The following ATP5PF variants were observed in gnomAD, a reference collection of about 807,000 sequenced individuals.
ATP5PF encodes the protein ATP synthase peripheral stalk subunit F6, mitochondrial.
In ATP5PF, 7 loss-of-function variants were observed where a neutral mutation model predicts 12.0. That is an observed-to-expected ratio of 0.58 (90% CI 0.33 to 1.10). The LOEUF (loss-of-function observed/expected upper bound fraction) is 1.10, where lower values mean the gene tolerates loss of function less well. Among genes scored for constraint, ATP5PF ranks in the 50% least tolerant of loss-of-function variants. The pLI is 0.03. For synonymous variants in ATP5PF, 41 were observed against 45.4 expected (o/e 0.90, Z 0.39); for missense variants, 120 against 127.7 (o/e 0.94, Z 0.29).
chr21:25,734,731 G>T, intron 1 of ATP5PF, 122 bp downstream of exon 1: 1 of 1,010,424 alleles, frequency 9.9e-7, no homozygotes, highest in Non-Finnish European at 1.4e-6. Flanking sequence ...GGCCGTGAAG[G>T]TCCCCAGGAC....
In ATP5PF at chr21:25,729,779, G is replaced by A. The variant is rs927006271; in HGVS notation, c.16C>T (p.Leu6Phe). MILQR[L>F]FRFSSVIRSA... ...CGAATGACAGAGGAGAACCTGAAGAGCCTCTGAAGAATCATGCTGATTCTG... is the reference window on the plus strand; with the variant it reads ...CGAATGACAGAGGAGAACCTGAAGAACCTCTGAAGAATCATGCTGATTCTG... The change falls in exon 2 of 4, where the codon CTC becomes TTC. Residue 6 changes from leucine to phenylalanine, a missense_variant. Transcript: ENST00000284971. 6.2e-7 allele frequency: 1 copy of A among 1,613,480 alleles called. No individual in the cohort carries two copies. The highest frequency in any genetic ancestry group is 1.3e-5 in the African/African-American group (1 of 74,872).
intron 2 of ATP5PF, among the ~76,000 whole-genome samples, chr21:25,729,254 T>C (rs752038408): frequency 6.6e-6 from 1 of 152,226 alleles, no homozygotes; most frequent in Non-Finnish European, 1.5e-5. Flanking sequence ...TTTTCCCCAA[T>C]TAGTTTTATG....
At chr21:25,729,370 A>T (rs1237452826) in intron 2 of ATP5PF, among the ~76,000 whole-genome samples, 2 of 152,244 alleles carry the variant, frequency 1.3e-5, no homozygotes, top group Admixed American at 1.3e-4. Context: ...TTTATAATAC[A>T]TGACATGACA....
At chr21:25,728,864 C>G (rs557149663) in intron 2 of ATP5PF, among the ~76,000 whole-genome samples, 1 of 152,346 alleles carries the variant, frequency 6.6e-6, no homozygotes, top group South Asian at 2.1e-4. Context: ...GCTTTCTACT[C>G]CTATCGGACT....
intron 1 of ATP5PF, among the ~76,000 whole-genome samples, chr21:25,731,998 T>C (rs1202155345): frequency 6.6e-6 from 1 of 152,238 alleles, no homozygotes; most frequent in Non-Finnish European, 1.5e-5. Context: ...TCATTTTCAC[T>C]GTATTCAAAA....
chr21:25,734,963 C>T (rs752238405), upstream of ATP5PF: 5 of 1,570,774 alleles, frequency 3.2e-6, no homozygotes, highest in African/African-American at 1.4e-5. Flanking sequence ...CATTATGGGC[C>T]GCCGTTTCAG....
intron 3 of ATP5PF, chr21:25,724,988 G>A: frequency 3.3e-6 from 2 of 602,582 alleles, no homozygotes; most frequent in Admixed American, 3.6e-5. Context: ...TGATTATAAG[G>A]ATTCAAGATT....
upstream of ATP5PF, chr21:25,735,127 G>A (rs1601097806): frequency 1.4e-6 from 1 of 705,172 alleles, no homozygotes; most frequent in African/African-American, 1.8e-5. Flanking sequence ...CGCCTAATTT[G>A]ACCCGTTCTT....
chr21:25,727,696 T>G (rs2034654174), intron 2 of ATP5PF, among the ~76,000 whole-genome samples: 1 of 152,178 alleles, frequency 6.6e-6, no homozygotes, highest in Non-Finnish European at 1.5e-5. Context: ...AGATAGGCTT[T>G]TAAAGACAGT....
rs1219090743 is a variant in ATP5PF, at chr21:25,730,736, C to CACAA, written c.-7-936_-7-935insTTGT. 3.1e-3 allele frequency among the ~76,000 whole-genome samples: 98 copies of CACAA among 31,894 alleles called. 12 individuals carry two copies. The highest frequency in any genetic ancestry group is 5.2e-3 in the South Asian group (3 of 578). The allele number at this position is 31,894 out of a possible 152,430, so 20.9% of individuals were successfully genotyped here. Reference sequence around the variant, plus strand: ...GCAACAAGAGCAAGACTCCGTCTCACAAAAAAAAAAAAAAAAAAAAAAAAA... The same window carrying CACAA: ...GCAACAAGAGCAAGACTCCGTCTCACACAAAAAAAAAAAAAAAAAAAAAAAAAAA... On this transcript the variant is annotated intron_variant, in intron 1 of 3. Coordinates refer to ENST00000284971, the MANE Select transcript of ATP5PF (RefSeq NM_001003703.2).
chr21:25,734,933 G>A (rs768581818), upstream of ATP5PF: 22 of 1,573,460 alleles, frequency 1.4e-5, no homozygotes, highest in Non-Finnish European at 1.9e-5. Context: ...GCCCCCACAC[G>A]CCTACCCGCC....
At position 25,729,806 on chromosome 21, in the gene ATP5PF, T is replaced by C; in HGVS notation, c.-7-5A>G. The C allele has an allele frequency of 3.1e-6, 5 of 1,609,638 alleles. No individual in the cohort carries two copies. The highest frequency in any genetic ancestry group is 4.5e-5 in the East Asian group (2 of 44,868). ...CTCTGAAGAATCATGCTGATTCTGT[T>C]ACAGAAAACAAGCAGCAGAAACGTT... On this transcript the variant is annotated splice_polypyrimidine_tract_variant and splice_region_variant and intron_variant, in intron 1 of 3. Transcript: ENST00000284971.
chr21:25,732,113 G>T (rs2034797616), intron 1 of ATP5PF, among the ~76,000 whole-genome samples: 1 of 152,130 alleles, frequency 6.6e-6, no homozygotes, highest in Admixed American at 6.5e-5. Context: ...AATAGGGTTG[G>T]GGGTGGGGGA....
At chr21:25,726,794 T>C (rs2034631074) in intron 2 of ATP5PF, among the ~76,000 whole-genome samples, 1 of 152,238 alleles carries the variant, frequency 6.6e-6, no homozygotes, top group Admixed American at 6.5e-5. Context: ...AACAATATTC[T>C]AAATGTAAAA....
Position 25,724,693 on chromosome 21 carries a change from A to G in ATP5PF, c.290-16T>C. On this transcript the variant is annotated splice_polypyrimidine_tract_variant and intron_variant, in intron 3 of 3. Coordinates refer to ENST00000284971, the MANE Select transcript of ATP5PF (RefSeq NM_001003703.2). ...AATTTGGGATCTAAGAAGAGGGGGA[A>G]AAAAGGGTCAAGCTTAGCCAAATTG... 1.3e-6 allele frequency: 2 copies of G among 1,594,528 alleles called. No individual in the cohort carries two copies. Among genetic ancestry groups the G allele is most frequent in the South Asian group, 2.3e-5 (2 of 87,026 alleles).
intron 1 of ATP5PF, among the ~76,000 whole-genome samples, chr21:25,734,051 A>T (rs377078161): frequency 6.6e-6 from 1 of 152,234 alleles, no homozygotes; most frequent in Non-Finnish European, 1.5e-5. Context: ...ACATAATCCC[A>T]TATCAAAACT....
intron 2 of ATP5PF, among the ~76,000 whole-genome samples, chr21:25,727,689 T>C (rs1031631476): frequency 2.0e-5 from 3 of 152,188 alleles, no homozygotes; most frequent in African/African-American, 7.2e-5. Flanking sequence ...TCTTACTAGA[T>C]AGGCTTTTAA....
chr21:25,726,239 G>C (rs767122226), intron 2 of ATP5PF, among the ~76,000 whole-genome samples: 14 of 152,094 alleles, frequency 9.2e-5, no homozygotes, highest in Non-Finnish European at 1.3e-4. Flanking sequence ...TCTACCATAG[G>C]GGTCCTATTA....
chr21:25,735,091 T>C, upstream of ATP5PF: 1 of 849,594 alleles, frequency 1.2e-6, no homozygotes, highest in East Asian at 2.7e-5. Context: ...CCGGGTCCCC[T>C]GGCACAGCCT....
Sources: gnomAD v4.1 joint callset for allele counts (sites outside exome capture counted in the v4.1 genomes callset) on GRCh38, gnomAD v4.1.1 for gene constraint, MANE v1.5 for transcripts, NCBI Gene and HGNC (gene_info 2026-07-23, HGNC 2026-07-21) for gene names.